The following ODAD1 variants were observed in gnomAD, a reference collection of about 807,000 sequenced individuals.
The protein encoded by ODAD1 is outer dynein arm docking complex subunit 1, also known as outer dynein arm-docking complex subunit 1.
Under a neutral mutation model 67.2 loss-of-function variants are expected in ODAD1, and 49 were observed. That is an observed-to-expected ratio of 0.73 (90% CI 0.58 to 0.92). ODAD1 has a LOEUF of 0.92. Ranked by LOEUF, ODAD1 falls within the 40% of genes least tolerant of loss-of-function variation. ODAD1 has a pLI of 0.00. For missense variants in ODAD1, 897 were observed against 953.7 expected (o/e 0.94, Z 0.78); for synonymous variants, 345 against 393.7 (o/e 0.88, Z 1.46).
At chr19:48,306,523 T>G (rs547313988) in intron 7 of ODAD1, among the ~76,000 whole-genome samples, 200 bp from the exon 8 acceptor site, 87 of 152,302 alleles carry the variant, frequency 5.7e-4, no homozygotes, top group African/African-American at 2.0e-3. Context: ...CAAAAGGCTC[T>G]TTCTGTAGAT....
At chr19:48,304,219 G>A (rs1389720392) in intron 8 of ODAD1, 79 bp from the exon 9 acceptor site, 7 of 1,426,738 alleles carry the variant, frequency 4.9e-6, no homozygotes, top group Non-Finnish European at 6.5e-6. Flanking sequence ...GGCGGGGTCA[G>A]CCAGAGGTTG....
chr19:48,298,198 C>A lies in ODAD1; in HGVS notation c.1383G>T (p.Val461=). Residue 461 remains valine (V), a synonymous_variant, in exon 13 of 16, where the codon GTG becomes GTT. Coordinates refer to ENST00000674294, the MANE Select transcript of ODAD1 (RefSeq NM_001364171.2). ...CCACCTGGGCATGTAGGAAGGCCTG[C>A]ACTGTCAGGAGCTCCACCAGCCGCT... ...IEKRLVELLT[V]QAFLHAQSFT... 1.2e-6 allele frequency: 2 copies of A among 1,613,480 alleles called. No homozygotes were observed. Among genetic ancestry groups the A allele is most frequent in the Non-Finnish European group, 1.7e-6 (2 of 1,179,998 alleles).
chr19:48,318,323 G>C, intron 5 of ODAD1, 64 bp downstream of exon 5: 1 of 1,394,072 alleles, frequency 7.2e-7, no homozygotes, highest in Non-Finnish European at 9.9e-7. Flanking sequence ...AGGAAGCTAA[G>C]GCTCAGGGAG....
chr19:48,302,544 T>C, intron 12 of ODAD1, 150 bp downstream of exon 12: 5 of 629,686 alleles, frequency 7.9e-6, no homozygotes, highest in East Asian at 2.7e-5. Flanking sequence ...GTTGGAGGGA[T>C]AGACCCTGGT....
chr19:48,301,234 A>G (rs1320214382), intron 12 of ODAD1: 1 of 152,222 alleles, frequency 6.6e-6, no homozygotes, highest in Admixed American at 6.5e-5. Flanking sequence ...TCTTGCGACC[A>G]GTGTGGAAAA....
At chr19:48,303,897 G>C in intron 9 of ODAD1, 56 bp downstream of exon 9, 3 of 1,590,288 alleles carry the variant, frequency 1.9e-6, no homozygotes, top group South Asian at 1.1e-5. Context: ...GTGTGCTGCA[G>C]GTGCCCCAGG....
intron 8 of ODAD1, among the ~76,000 whole-genome samples, chr19:48,304,742 C>A (rs377517741): frequency 6.6e-6 from 1 of 152,204 alleles, no homozygotes; most frequent in Non-Finnish European, 1.5e-5. Flanking sequence ...CCTCATCCTT[C>A]AGAGTGTACT....
intron 5 of ODAD1, among the ~76,000 whole-genome samples, chr19:48,317,658 G>C (rs993467656): frequency 2.0e-5 from 3 of 151,622 alleles, no homozygotes; most frequent in African/African-American, 7.3e-5. Context: ...AACTCTACCA[G>C]ATGGATGCTT....
rs538588580 is a variant in ODAD1, at chr19:48,311,585, G to A, written c.565C>T (p.Arg189Cys). Residue 189 changes from arginine to cysteine, a missense_variant, in exon 7 of 16, where the codon CGC becomes TGC. Coordinates refer to ENST00000674294, the MANE Select transcript of ODAD1 (RefSeq NM_001364171.2). ...ELDLLRIDRN[R>C]YLNVDRKLKK... ...AGCTTGCGGTCCACGTTCAGATAGC[G>A]GTTCCTGTCGATCCGCAGCAGATCC... The A allele has an allele frequency of 4.0e-4, 616 of 1,550,828 alleles. 4 individuals are homozygous for A. The South Asian group carries it at 6.7e-3, about 17-fold the overall frequency.
At chr19:48,318,684 C>T (rs1057012813) in intron 4 of ODAD1, 29 bp downstream of exon 4, 12 of 1,539,132 alleles carry the variant, frequency 7.8e-6, no homozygotes, top group Non-Finnish European at 1.1e-5. Context: ...CCCCTCCTCC[C>T]CAGCTCAGGG....
Position 48,304,106 on chromosome 19 carries a change from C to T in ODAD1, c.700G>A (p.Glu234Lys). ...EAKAKMGLLR[E>K]RAEKEEAQSE... ...TGGGCCTCCTCTTTCTCCGCGCGCTCCCGCAGCAAGCCCATCTTGGCCTTC... is the reference window on the plus strand; with the variant it reads ...TGGGCCTCCTCTTTCTCCGCGCGCTTCCGCAGCAAGCCCATCTTGGCCTTC... The change falls in exon 9 of 16, where the codon GAG (glutamate) becomes AAG (lysine). Residue 234 changes from glutamate to lysine, a missense_variant. Physicochemically the swap from Glu to Lys is moderately conservative, Grantham distance 56. Coordinates refer to ENST00000674294, the MANE Select transcript of ODAD1 (RefSeq NM_001364171.2). The T allele has an allele frequency of 6.2e-7, 1 of 1,612,914 alleles. No homozygotes were observed. The highest frequency in any genetic ancestry group is 8.5e-7 in the Non-Finnish European group (1 of 1,179,426).
intron 8 of ODAD1, among the ~76,000 whole-genome samples, chr19:48,304,980 A>C (rs192925092): frequency 6.6e-6 from 1 of 152,334 alleles, no homozygotes; most frequent in African/African-American, 2.4e-5. Flanking sequence ...ATGCTGCTAC[A>C]TTCTACGCTT....
At chr19:48,304,786 T>C (rs1309762347) in intron 8 of ODAD1, among the ~76,000 whole-genome samples, 2 of 152,168 alleles carry the variant, frequency 1.3e-5, no homozygotes, top group East Asian at 1.9e-4. Context: ...GTTCTCTATT[T>C]GCCTTCAGTA....
intron 12 of ODAD1, among the ~76,000 whole-genome samples, chr19:48,301,993 A>G (rs1040180970): frequency 2.0e-5 from 3 of 150,092 alleles, no homozygotes; most frequent in African/African-American, 7.4e-5. Context: ...ACCTGGATGG[A>G]GAGATAGATA....
chr19:48,312,421 T>G (rs975363647), intron 5 of ODAD1, among the ~76,000 whole-genome samples: 18 of 140,940 alleles, frequency 1.3e-4, no homozygotes, highest in Admixed American at 2.1e-4. Flanking sequence ...TGTTTTTTTT[T>G]TTTTTTTTTT....
chr19:48,317,652 C>G (rs1968933155), intron 5 of ODAD1, among the ~76,000 whole-genome samples: 1 of 151,888 alleles, frequency 6.6e-6, no homozygotes, highest in Non-Finnish European at 1.5e-5. Context: ...GAACACAACT[C>G]TACCAGATGG....
At chr19:48,315,426 C>A (rs1411655178) in intron 5 of ODAD1, among the ~76,000 whole-genome samples, 1 of 152,144 alleles carries the variant, frequency 6.6e-6, no homozygotes, top group Non-Finnish European at 1.5e-5. Flanking sequence ...CACCCGTAGT[C>A]CCAACTACCC....
At chr19:48,308,688 C>T (rs1370924587) in intron 7 of ODAD1, among the ~76,000 whole-genome samples, 1 of 152,236 alleles carries the variant, frequency 6.6e-6, no homozygotes, top group Non-Finnish European at 1.5e-5. Context: ...ATGGGAGCTC[C>T]CCGTGTGCAG....
chr19:48,307,822 C>CA (rs71181675), intron 7 of ODAD1, among the ~76,000 whole-genome samples: 43,338 of 99,548 alleles, frequency 0.44, 7,535 homozygotes, highest in Middle Eastern at 0.52. Context: ...GACTCCGTCT[C>CA]AAAAAAAAAA....
Sources: gnomAD v4.1 joint callset for allele counts (sites outside exome capture counted in the v4.1 genomes callset) on GRCh38, gnomAD v4.1.1 for gene constraint, MANE v1.5 for transcripts, NCBI Gene and HGNC (gene_info 2026-07-23, HGNC 2026-07-21) for gene names.